Variants in AKAP19 observed in about 807,000 individuals in gnomAD.
AKAP19 encodes the protein small A-kinase anchoring protein.
chr2:190,194,477 TACACACACACACACAC>T, the AKAP19 span, among the ~76,000 whole-genome samples: 90 of 141,474 alleles, frequency 6.4e-4, no homozygotes, highest in South Asian at 1.8e-3. Flanking sequence ...ATCCTGTGTA[TACACACACACACACAC>T]ACACACACAC....
chr2:190,048,252 G>A, the AKAP19 span, among the ~76,000 whole-genome samples: 1 of 152,090 alleles, frequency 6.6e-6, no homozygotes, highest in African/African-American at 2.4e-5. Flanking sequence ...TTTTAATTTA[G>A]GCCCAGAGAG....
At chr2:189,976,099 C>T in the AKAP19 span, among the ~76,000 whole-genome samples, 1 of 152,142 alleles carries the variant, frequency 6.6e-6, no homozygotes, top group African/African-American at 2.4e-5. Context: ...TTTTCCCCAT[C>T]TTTGTGGTTT....
chr2:189,963,715 G>A, the AKAP19 span, among the ~76,000 whole-genome samples: 3 of 151,716 alleles, frequency 2.0e-5, no homozygotes, highest in Admixed American at 2.0e-4. Context: ...CTTTGCCCAG[G>A]TCCATCAGAT....
At chr2:189,905,008 A>G in the AKAP19 span, among the ~76,000 whole-genome samples, 1 of 152,016 alleles carries the variant, frequency 6.6e-6, no homozygotes, top group Non-Finnish European at 1.5e-5. Flanking sequence ...TCTATCCAAC[A>G]GAGAAACATG....
chr2:190,156,639 A>G, the AKAP19 span, among the ~76,000 whole-genome samples: 2 of 152,208 alleles, frequency 1.3e-5, no homozygotes, highest in Admixed American at 1.3e-4. Context: ...AGGGAATCCA[A>G]ATGGCCAATA....
chr2:189,928,637 T>C, the AKAP19 span, among the ~76,000 whole-genome samples: 2 of 152,134 alleles, frequency 1.3e-5, no homozygotes, highest in African/African-American at 4.8e-5. Context: ...CATCTTTAAG[T>C]CTTTCCATCA....
the AKAP19 span, among the ~76,000 whole-genome samples, chr2:190,115,677 A>G: frequency 5.3e-5 from 8 of 151,966 alleles, no homozygotes; most frequent in Non-Finnish European, 1.2e-4. Context: ...TCAAGGGTCT[A>G]CTTCTCCCTT....
chr2:189,940,604 A>G, the AKAP19 span, among the ~76,000 whole-genome samples: 3 of 152,162 alleles, frequency 2.0e-5, no homozygotes, highest in African/African-American at 4.8e-5. Context: ...AAACACTCAC[A>G]GGAAATTTTC....
At chr2:190,014,885 G>A in the AKAP19 span, among the ~76,000 whole-genome samples, 1 of 152,138 alleles carries the variant, frequency 6.6e-6, no homozygotes, top group African/African-American at 2.4e-5. Flanking sequence ...TTACATCTTA[G>A]GGCTCCAAAA....
At chr2:190,090,465 A>C in the AKAP19 span, among the ~76,000 whole-genome samples, 1 of 152,222 alleles carries the variant, frequency 6.6e-6, no homozygotes, top group Admixed American at 6.5e-5. Context: ...TTCGCCAGGC[A>C]CATTAGTGAG....
chr2:190,167,273 C>T, the AKAP19 span, among the ~76,000 whole-genome samples: 2 of 152,134 alleles, frequency 1.3e-5, no homozygotes, highest in African/African-American at 4.8e-5. Flanking sequence ...ACCATCAGAT[C>T]TCATGAGACT....
At chr2:190,192,894 T>C in the AKAP19 span, among the ~76,000 whole-genome samples, 1 of 152,162 alleles carries the variant, frequency 6.6e-6, no homozygotes, top group Non-Finnish European at 1.5e-5. Context: ...CCAGTAAATT[T>C]TTTTTGGGGG....
At chr2:189,968,151 G>A in the AKAP19 span, among the ~76,000 whole-genome samples, 1 of 151,544 alleles carries the variant, frequency 6.6e-6, no homozygotes, top group Non-Finnish European at 1.5e-5. Context: ...AAATATAGAA[G>A]AAGTGGGACA....
chr2:190,055,830 A>T, the AKAP19 span: 2 of 152,220 alleles, frequency 1.3e-5, no homozygotes, highest in Non-Finnish European at 2.9e-5. Context: ...ACAAAACAGA[A>T]GTAAATAAAT....
chr2:190,034,534 CAAAAAAAAAAAAA>C, the AKAP19 span, among the ~76,000 whole-genome samples: 19 of 68,254 alleles, frequency 2.8e-4, 1 homozygote, highest in East Asian at 7.0e-3. Context: ...GGCTACAGTG[CAAAAAAAAAAAAA>C]AAAAAAAAAA....
chr2:189,926,047 A>G, the AKAP19 span, among the ~76,000 whole-genome samples: 1 of 152,236 alleles, frequency 6.6e-6, no homozygotes, highest in Non-Finnish European at 1.5e-5. Context: ...CTGATTTGAA[A>G]TTAATCTAGA....
chr2:189,923,957 C>T, the AKAP19 span: 3 of 1,609,116 alleles, frequency 1.9e-6, no homozygotes, highest in Non-Finnish European at 2.6e-6. Context: ...TGAAAAGGAA[C>T]AGAGCAAACA....
the AKAP19 span, among the ~76,000 whole-genome samples, chr2:190,161,212 G>C: frequency 3.3e-5 from 5 of 152,040 alleles, no homozygotes; most frequent in African/African-American, 1.2e-4. Flanking sequence ...CCTCATGCTA[G>C]GAAATTCTTG....
chr2:189,910,165 G>A, the AKAP19 span, among the ~76,000 whole-genome samples: 1 of 151,984 alleles, frequency 6.6e-6, no homozygotes, highest in Non-Finnish European at 1.5e-5. Flanking sequence ...ACAAGTGAAA[G>A]AGTTATTTAA....
Sources: allele counts gnomAD v4.1 joint callset (sites outside exome capture counted in the v4.1 genomes callset), GRCh38; gene constraint gnomAD v4.1.1; transcripts MANE v1.5; gene names NCBI Gene and HGNC (gene_info 2026-07-23, HGNC 2026-07-21).